Variants in MCTP1 observed in about 807,000 individuals in gnomAD.
The protein encoded by MCTP1 is multiple C2 and transmembrane domain containing 1.
Under a neutral mutation model 120.6 loss-of-function variants are expected in MCTP1, and 69 were observed. The ratio of observed to expected loss-of-function variants is 0.57; its 90% CI spans 0.47 to 0.70. MCTP1 has a LOEUF of 0.70. Ranked by LOEUF, MCTP1 falls within the 30% of genes least tolerant of loss-of-function variation. The pLI, the probability that MCTP1 is intolerant of heterozygous loss-of-function variation, is 0.00. For missense variants in MCTP1, 1,203 were observed against 1,248.8 expected, an observed-to-expected ratio of 0.96 and a Z score of 0.55; for synonymous variants, 529 against 493.1, an observed-to-expected ratio of 1.07 and a Z score of -0.96.
intron 1 of MCTP1, among the ~76,000 whole-genome samples, chr5:95,098,952 C>T (rs1422479682): frequency 6.6e-6 from 1 of 152,132 alleles, no homozygotes; most frequent in Non-Finnish European, 1.5e-5. Context: ...GAACAGAGCC[C>T]TCAGAAATAA....
At chr5:94,894,503 G>T in intron 11 of MCTP1, 146 bp downstream of exon 11, 1 of 524,624 alleles carries the variant, frequency 1.9e-6, no homozygotes, top group Non-Finnish European at 3.3e-6. Flanking sequence ...AAAGGTCTGT[G>T]TGGCATTTGT....
At chr5:94,966,942 G>T (rs952579889) in intron 2 of MCTP1, among the ~76,000 whole-genome samples, 1 of 152,088 alleles carries the variant, frequency 6.6e-6, no homozygotes, top group African/African-American at 2.4e-5. Flanking sequence ...CTATTTCTTT[G>T]TTCCCCTCAA....
chr5:94,948,665 C>T (rs925959731), intron 3 of MCTP1, among the ~76,000 whole-genome samples: 1 of 152,028 alleles, frequency 6.6e-6, no homozygotes, highest in African/African-American at 2.4e-5. Flanking sequence ...AAAGTGGCTC[C>T]CTACTTGTGC....
chr5:94,738,498 T>TC (rs769500825), intron 19 of MCTP1, among the ~76,000 whole-genome samples: 87 of 152,170 alleles, frequency 5.7e-4, no homozygotes, highest in Admixed American at 2.6e-3. Flanking sequence ...CACCAGCCTG[T>TC]CCCCCCATAC....
rs554237773 is a variant in MCTP1, at chr5:94,911,778, ATAT to A, written c.1521+1025_1521+1027del. Among the ~76,000 whole-genome samples, 782 of 152,256 alleles carry A rather than the reference ATAT, an allele frequency of 5.1e-3. 6 individuals carry two copies. Among genetic ancestry groups the A allele is most frequent in the Middle Eastern group, 0.031 (9 of 294 alleles). On this transcript the variant is annotated intron_variant, in intron 9 of 22. Transcript: ENST00000515393. The stretch of plus-strand genomic sequence containing the variant: ...TTATTCATTATTACTTATATTACTA[ATAT>A]TATTGTTTAATACATTATTACTACT...
chr5:95,235,781 T>G (rs1460519976), intron 1 of MCTP1, among the ~76,000 whole-genome samples: 1 of 152,098 alleles, frequency 6.6e-6, no homozygotes, highest in South Asian at 2.1e-4. Context: ...TTGTGGAAAA[T>G]CTGATGATTC....
At chr5:94,954,361 C>T (rs569190550) in intron 2 of MCTP1, among the ~76,000 whole-genome samples, 1 of 151,388 alleles carries the variant, frequency 6.6e-6, no homozygotes, top group South Asian at 2.1e-4. Flanking sequence ...AATTGGTACA[C>T]ATGAAGACAA....
chr5:95,024,276 TAAAG>T (rs1474617312), intron 1 of MCTP1, among the ~76,000 whole-genome samples: 40 of 152,120 alleles, frequency 2.6e-4, no homozygotes, highest in Non-Finnish European at 7.4e-5. Flanking sequence ...GATTTTTGTA[TAAAG>T]AGTGAGATAA....
chr5:95,256,103 A>C (rs1445158849), intron 1 of MCTP1, among the ~76,000 whole-genome samples: 1 of 152,250 alleles, frequency 6.6e-6, no homozygotes, highest in Non-Finnish European at 1.5e-5. Flanking sequence ...GATGCATCTT[A>C]CATTATTTCC....
intron 1 of MCTP1, among the ~76,000 whole-genome samples, chr5:95,042,469 T>C (rs1581992764): frequency 6.6e-6 from 1 of 152,192 alleles, no homozygotes; most frequent in Non-Finnish European, 1.5e-5. Context: ...AACAAACCAA[T>C]AGCCTGATAC....
intron 7 of MCTP1, among the ~76,000 whole-genome samples, chr5:94,921,691 T>C (rs1669065744): frequency 6.6e-6 from 1 of 152,214 alleles, no homozygotes; most frequent in South Asian, 2.1e-4. Context: ...CTATGGAAGA[T>C]AATACTCAAC....
At chr5:95,274,726 C>A (rs565250724) in intron 1 of MCTP1, among the ~76,000 whole-genome samples, 2 of 152,174 alleles carry the variant, frequency 1.3e-5, no homozygotes, top group South Asian at 4.1e-4. Context: ...CGGGTTCATG[C>A]CATTCTCCTG....
At chr5:95,184,007 G>C (rs1443628301) in intron 1 of MCTP1, among the ~76,000 whole-genome samples, 2 of 152,074 alleles carry the variant, frequency 1.3e-5, no homozygotes, top group South Asian at 2.1e-4. Context: ...GGGCCTGTTG[G>C]GGGGTGAGGG....
intron 19 of MCTP1, among the ~76,000 whole-genome samples, chr5:94,764,953 A>G (rs979966553): frequency 6.6e-6 from 1 of 152,106 alleles, no homozygotes; most frequent in Non-Finnish European, 1.5e-5. Context: ...CATTCTTCTC[A>G]TCAGCACATG....
chr5:94,962,017 A>G (rs775752408), intron 2 of MCTP1, among the ~76,000 whole-genome samples: 5 of 152,174 alleles, frequency 3.3e-5, no homozygotes, highest in Admixed American at 6.5e-5. Context: ...GGAGATATAC[A>G]AATTACCAAC....
At chr5:95,109,750 T>G (rs905281416) in intron 1 of MCTP1, among the ~76,000 whole-genome samples, 11 of 152,234 alleles carry the variant, frequency 7.2e-5, no homozygotes, top group African/African-American at 2.7e-4. Context: ...TCTTAGTTAT[T>G]ACATTCTGCT....
At chr5:95,272,053 G>A (rs1759447861) in intron 1 of MCTP1, among the ~76,000 whole-genome samples, 2 of 152,074 alleles carry the variant, frequency 1.3e-5, no homozygotes, top group Admixed American at 6.6e-5. Context: ...AAATTTAGAA[G>A]TGGAAGAATA....
At chr5:95,199,732 G>T (rs544017522) in intron 1 of MCTP1, among the ~76,000 whole-genome samples, 2 of 151,778 alleles carry the variant, frequency 1.3e-5, no homozygotes, top group Non-Finnish European at 2.9e-5. Context: ...GGTGGTGCAC[G>T]CCTGTAATCC....
At position 94,730,136 on chromosome 5, in the gene MCTP1, C is replaced by T. The variant is rs188350942; in HGVS notation, c.2611-15250G>A. On this transcript the variant is annotated intron_variant, in intron 19 of 22. Transcript: ENST00000515393. ...AAAACAGAAATCAGAGAATTGCTTA[C>T]ATGTTTGGCTTGAGCAACTGGGTAA... is the stretch of plus-strand genomic sequence containing the variant. 5.0e-3 allele frequency among the ~76,000 whole-genome samples: 710 copies of T among 143,040 alleles called. 4 individuals are homozygous for T. Among genetic ancestry groups the T allele is most frequent in the South Asian group, 9.3e-3 (42 of 4,512 alleles). 93.8% of individuals were successfully genotyped at this position (143,040 alleles called of 152,430 possible). A position where few individuals can be genotyped will look rare whatever the true frequency, so the allele number is the denominator to read the frequency against.
Sources: allele counts gnomAD v4.1 joint callset (sites outside exome capture counted in the v4.1 genomes callset), GRCh38; gene constraint gnomAD v4.1.1; transcripts MANE v1.5; gene names NCBI Gene and HGNC (gene_info 2026-07-23, HGNC 2026-07-21).